TMEM230: variants seen among roughly 807,000 people sequenced by gnomAD.
TMEM230 encodes the protein UPF0414 transmembrane protein C20orf30.
Under a neutral mutation model 15.8 loss-of-function variants are expected in TMEM230, and 10 were observed. The observed-to-expected ratio is 0.63, with a 90% CI of 0.39 to 1.07. The LOEUF (loss-of-function observed/expected upper bound fraction) is 1.07. Among genes scored for constraint, TMEM230 ranks in the 50% least tolerant of loss-of-function variants. TMEM230 has a pLI of 0.01. For missense variants in TMEM230, 165 were observed against 193.3 expected (o/e 0.85, Z 0.87); for synonymous variants, 67 against 76.9 (o/e 0.87, Z 0.68).
chr20:5,064,131 G>A (rs1386680368), downstream of TMEM230, among the ~76,000 whole-genome samples: 1 of 151,984 alleles, frequency 6.6e-6, no homozygotes, highest in South Asian at 2.1e-4. Context: ...GACAGGTGTG[G>A]TAGCGCACAC....
intron 3 of TMEM230, among the ~76,000 whole-genome samples, chr20:5,089,562 G>GT (rs1165518478): frequency 6.6e-6 from 1 of 151,958 alleles, no homozygotes; most frequent in Non-Finnish European, 1.5e-5. Flanking sequence ...TTATCTGGGT[G>GT]TGGTGGCACA....
chr20:5,071,645 G>C (rs1244517468), intron 3 of TMEM230, among the ~76,000 whole-genome samples: 5 of 117,916 alleles, frequency 4.2e-5, no homozygotes, highest in Admixed American at 2.5e-4. Context: ...AAAACAAAAA[G>C]GGTACATAGA....
intron 4 of TMEM230, among the ~76,000 whole-genome samples, chr20:5,104,348 C>T (rs1026355520): frequency 4.6e-5 from 7 of 152,228 alleles, no homozygotes; most frequent in Non-Finnish European, 8.8e-5. Context: ...GCGTGAGCCA[C>T]TGCACCCAGC....
intron 3 of TMEM230, among the ~76,000 whole-genome samples, chr20:5,083,255 G>C (rs1051681499): frequency 6.7e-6 from 1 of 148,888 alleles, no homozygotes; most frequent in African/African-American, 2.5e-5. Flanking sequence ...GATGATGTTA[G>C]GGCCCATCTT....
At chr20:5,111,738 T>A (rs2090335346) in intron 1 of TMEM230, 8 of 969,676 alleles carry the variant, frequency 8.3e-6, no homozygotes, top group Non-Finnish European at 8.6e-6. Flanking sequence ...ATTATCATCA[T>A]CACAATAATG....
downstream of TMEM230, among the ~76,000 whole-genome samples, chr20:5,099,149 C>T (rs2093141): frequency 1.1e-3 from 166 of 151,480 alleles, no homozygotes; most frequent in Non-Finnish European, 1.4e-3. Flanking sequence ...AATGACTGTG[C>T]CACTGCACTC....
At chr20:5,101,119 T>G (rs1285757270) in intron 4 of TMEM230, among the ~76,000 whole-genome samples, 188 bp from the exon 4 acceptor site, 1 of 152,168 alleles carries the variant, frequency 6.6e-6, no homozygotes, top group Non-Finnish European at 1.5e-5. Context: ...ATATTAACAA[T>G]TATAAAGAAA....
chr20:5,110,320 T>C (rs1277522682), intron 2 of TMEM230, among the ~76,000 whole-genome samples: 2 of 151,928 alleles, frequency 1.3e-5, no homozygotes, highest in African/African-American at 4.8e-5. Flanking sequence ...AGTCTCACTT[T>C]GCTGTCCAGG....
chr20:5,110,006 A>G (rs1389313718), intron 2 of TMEM230, among the ~76,000 whole-genome samples: 1 of 152,162 alleles, frequency 6.6e-6, no homozygotes, highest in Non-Finnish European at 1.5e-5. Flanking sequence ...TTAATGCAAA[A>G]GATCTGTAAA....
the TMEM230 span, among the ~76,000 whole-genome samples, chr20:5,061,892 G>A: frequency 1.3e-5 from 2 of 152,066 alleles, no homozygotes; most frequent in African/African-American, 2.4e-5. Context: ...AGATTAGTTT[G>A]GGAAGCACCA....
At chr20:5,112,908 C>G in intron 1 of TMEM230, 53 bp downstream of exon 1, 1 of 1,548,898 alleles carries the variant, frequency 6.5e-7, no homozygotes, top group Non-Finnish European at 8.7e-7. Flanking sequence ...CTCGGACACG[C>G]CCAGAGCCCG....
intron 3 of TMEM230, among the ~76,000 whole-genome samples, chr20:5,081,129 G>C (rs752587108): frequency 1.3e-5 from 2 of 152,222 alleles, no homozygotes; most frequent in Non-Finnish European, 2.9e-5. Context: ...TAGATTGTTT[G>C]ATAAGTGCTT....
chr20:5,112,695 G>C (rs2090374868), intron 1 of TMEM230: 1 of 1,413,790 alleles, frequency 7.1e-7, no homozygotes, highest in South Asian at 1.5e-5. Context: ...AAAACGTTTG[G>C]CACACAGTGC....
chr20:5,061,929 T>G, the TMEM230 span, among the ~76,000 whole-genome samples: 1 of 152,078 alleles, frequency 6.6e-6, no homozygotes, highest in Non-Finnish European at 1.5e-5. Context: ...TCTTAGAAAG[T>G]CCATTTATAG....
intron 3 of TMEM230, among the ~76,000 whole-genome samples, chr20:5,083,286 T>A (rs1316620308): frequency 7.5e-5 from 1 of 13,408 alleles, no homozygotes; most frequent in Non-Finnish European, 1.2e-4. Context: ...GTTAGGGAGA[T>A]TTTTTTTTTT....
chr20:5,091,520 A>G (rs1486004460), intron 3 of TMEM230, among the ~76,000 whole-genome samples: 2 of 151,800 alleles, frequency 1.3e-5, no homozygotes, highest in Non-Finnish European at 2.9e-5. Flanking sequence ...TGGTATTGCT[A>G]TTTTTGTTGT....
rs1185038085 is a variant in TMEM230, at chr20:5,100,557, T to C, written c.*234A>G. 7.6e-7 allele frequency: 1 copy of C among 1,310,358 alleles called. No individual in the cohort carries two copies. Among genetic ancestry groups the C allele is most frequent in the Non-Finnish European group, 9.7e-7 (1 of 1,027,724 alleles). 81.2% of individuals were successfully genotyped at this position (1,310,358 alleles called of 1,614,324 possible). ...CAGAATAACCTCTATTCTTCCATGA[T>C]ACATATTCCTGTGGAAAAACTTGTC... On this transcript the variant is annotated 3_prime_UTR_variant, in exon 5 of 5. Transcript: ENST00000342308.
At chr20:5,088,120 C>T (rs969745473) in intron 3 of TMEM230, among the ~76,000 whole-genome samples, 2 of 150,942 alleles carry the variant, frequency 1.3e-5, no homozygotes, top group African/African-American at 4.8e-5. Context: ...ACCAGCCTGG[C>T]CAACATGGTG....
chr20:5,105,678 C>T (rs2090047128), intron 4 of TMEM230, among the ~76,000 whole-genome samples: 1 of 152,144 alleles, frequency 6.6e-6, no homozygotes, highest in Non-Finnish European at 1.5e-5. Context: ...ATTATGAATG[C>T]ATGGCTGTAT....
Sources: allele counts gnomAD v4.1 joint callset (sites outside exome capture counted in the v4.1 genomes callset), GRCh38; gene constraint gnomAD v4.1.1; transcripts MANE v1.5; gene names NCBI Gene and HGNC (gene_info 2026-07-23, HGNC 2026-07-21).